UGT3A1: variants seen among roughly 807,000 people sequenced by gnomAD.
UGT3A1 encodes the protein UDP glycosyltransferase family 3 member A1.
In UGT3A1, 40 loss-of-function variants were observed where a neutral mutation model predicts 37.6. The observed-to-expected ratio is 1.06, with a 90% CI of 0.83 to 1.38. The LOEUF (loss-of-function observed/expected upper bound fraction) is 1.38, where lower values mean the gene tolerates loss of function less well. UGT3A1 is among the 40% of genes most tolerant of loss of function. The probability of loss-of-function intolerance (pLI) is 0.00; values close to 1 mark genes in which losing one functional copy is unlikely to be tolerated. For missense variants in UGT3A1, 642 were observed against 634.2 expected (o/e 1.01, Z -0.13); for synonymous variants, 256 against 232.3 (o/e 1.10, Z -0.93).
At chr5:35,975,759 T>C (rs1373891064) in intron 2 of UGT3A1, among the ~76,000 whole-genome samples, 2 of 152,190 alleles carry the variant, frequency 1.3e-5, no homozygotes, top group Non-Finnish European at 2.9e-5. Flanking sequence ...GTTTGTTGCA[T>C]ATGTATACAT....
chr5:35,994,492 T>A (rs1439664288), upstream of UGT3A1, among the ~76,000 whole-genome samples: 9 of 152,046 alleles, frequency 5.9e-5, no homozygotes, highest in Admixed American at 4.6e-4. Flanking sequence ...TTTTGTGGCA[T>A]TCTCAGGTGA....
intron 2 of UGT3A1, among the ~76,000 whole-genome samples, chr5:35,974,090 T>C (rs1201726477): frequency 1.3e-5 from 2 of 152,166 alleles, no homozygotes; most frequent in Non-Finnish European, 2.9e-5. Flanking sequence ...GGAGGCAAAG[T>C]ACCTTGGGAA....
chr5:35,959,013 T>C (rs1739466878), intron 4 of UGT3A1, among the ~76,000 whole-genome samples: 1 of 152,226 alleles, frequency 6.6e-6, no homozygotes, highest in Non-Finnish European at 1.5e-5. Context: ...CAAGAAGTTA[T>C]GGACAGAAGA....
chr5:35,992,115 C>A (rs1370853515), upstream of UGT3A1, among the ~76,000 whole-genome samples: 1 of 152,198 alleles, frequency 6.6e-6, no homozygotes, highest in Non-Finnish European at 1.5e-5. Context: ...CAGTGCAATT[C>A]TAGACAGACA....
chr5:35,988,600 GA>G (rs1561473258), intron 1 of UGT3A1, 49 bp from the exon 2 acceptor site: 1 of 1,448,852 alleles, frequency 6.9e-7, no homozygotes, highest in East Asian at 2.3e-5. Context: ...TAGAGTTTCT[GA>G]TGACAATATG....
chr5:35,953,302 T>C lies in UGT3A1; in HGVS notation c.*900A>G, dbSNP rs1469931095. The C allele has an allele frequency of 2.0e-5, 3 of 152,356 alleles. No individual in the cohort carries two copies. Among genetic ancestry groups the C allele is most frequent in the African/African-American group, 7.2e-5 (3 of 41,454 alleles). The allele number at this position is 152,356 out of a possible 1,614,324, so 9.4% of individuals were successfully genotyped here. On this transcript the variant is annotated 3_prime_UTR_variant, in exon 7 of 7. Coordinates refer to ENST00000274278, the MANE Select transcript of UGT3A1 (RefSeq NM_152404.4). ...CCACAACAGCCCTGAATGGGCTACC[T>C]TCGGGCTTTATCAAGAAAGATGAAA... is the stretch of plus-strand genomic sequence containing the variant.
intron 1 of UGT3A1, among the ~76,000 whole-genome samples, chr5:36,000,656 G>A (rs1213735038): frequency 6.6e-6 from 1 of 152,174 alleles, no homozygotes; most frequent in African/African-American, 2.4e-5. Flanking sequence ...GTTGTGGACT[G>A]TTTAACCCCA....
At position 35,963,538 on chromosome 5, in the gene UGT3A1, A is replaced by G. The variant is rs1276790439; in HGVS notation, c.843+1848T>C. 2.6e-5 allele frequency among the ~76,000 whole-genome samples: 4 copies of G among 152,212 alleles called. 1 individual carries two copies. The highest frequency in any genetic ancestry group is 2.6e-4 in the Admixed American group (4 of 15,286). ...AGGAACCCTCTCGATTAGAAAAGGA[A>G]AAAAATAAAAGAAAGAAAAACACAG... On this transcript the variant is annotated intron_variant, in intron 4 of 6. Transcript: ENST00000274278.
chr5:35,991,152 G>A lies in UGT3A1; in HGVS notation c.89C>T (p.Thr30Ile), dbSNP rs1226743513. 2 of 1,614,234 alleles carry A rather than the reference G, an allele frequency of 1.2e-6. No individual in the cohort carries two copies. The highest frequency in any genetic ancestry group is 2.2e-5 in the South Asian group (2 of 91,090). The change falls in exon 1 of 7, where the codon ACA (threonine) becomes ATA (isoleucine). Residue 30 changes from threonine to isoleucine, a missense_variant. Thr to Ile is a moderately conservative substitution (Grantham distance 89, BLOSUM62 -1). Transcript: ENST00000274278. ...TTCTCCGGCCAAGCACTCACCCAGT[G>A]TAGATATTGTCAGGATTTTGGCAGC... ...SEAAKILTIS[T>I]LGGSHYLLLD...
upstream of UGT3A1, among the ~76,000 whole-genome samples, chr5:35,994,463 C>T (rs558815639): frequency 2.2e-4 from 34 of 151,838 alleles, no homozygotes; most frequent in Non-Finnish European, 4.3e-4. Context: ...CAAATAGGAG[C>T]ACCTTGCTCC....
At chr5:35,967,234 G>T (rs748963675) in intron 3 of UGT3A1, among the ~76,000 whole-genome samples, 10 of 152,166 alleles carry the variant, frequency 6.6e-5, no homozygotes, top group Non-Finnish European at 1.5e-4. Context: ...CCAGACCTAT[G>T]GAGGAGAGAA....
chr5:35,976,471 T>C (rs1466818351), intron 2 of UGT3A1, among the ~76,000 whole-genome samples: 1 of 152,194 alleles, frequency 6.6e-6, no homozygotes, highest in Non-Finnish European at 1.5e-5. Context: ...ACAGCCACTT[T>C]AGGAAAAGTA....
Position 35,957,375 on chromosome 5 carries a change from G to A in UGT3A1, c.888C>T (p.Val296=). 1.2e-6 allele frequency: 2 copies of A among 1,614,164 alleles called. No individual in the cohort carries two copies. Among genetic ancestry groups the A allele is most frequent in the Non-Finnish European group, 1.7e-6 (2 of 1,180,024 alleles). The change falls in exon 5 of 7, where the codon GTC becomes GTT. Residue 296 remains valine, a synonymous_variant. Transcript: ENST00000274278. The part of the protein sequence containing the change: ...FIANFGDAGF[V]LVAFGSMLNT... Reference sequence around the variant, plus strand: ...TCAACATGGAGCCAAAGGCCACAAGGACAAACCCTGCATCCCCAAAGTTGG... The same window carrying A: ...TCAACATGGAGCCAAAGGCCACAAGAACAAACCCTGCATCCCCAAAGTTGG...
intron 2 of UGT3A1, among the ~76,000 whole-genome samples, chr5:35,978,209 A>G (rs1260744958): frequency 6.6e-6 from 1 of 151,796 alleles, no homozygotes; most frequent in Non-Finnish European, 1.5e-5. Context: ...TAATTTTTGT[A>G]TTTTTAGTAC....
chr5:35,979,030 C>T (rs933650834), intron 2 of UGT3A1, among the ~76,000 whole-genome samples: 1 of 152,192 alleles, frequency 6.6e-6, no homozygotes, highest in African/African-American at 2.4e-5. Context: ...CCGTGCCTCA[C>T]ATCTGGGTCA....
intron 2 of UGT3A1, chr5:35,997,203 C>A (rs1741117763): frequency 6.6e-6 from 1 of 152,212 alleles, no homozygotes; most frequent in South Asian, 2.1e-4. Context: ...ACCCAGCAGT[C>A]CCCAACCCAC....
At chr5:35,970,150 G>A (rs1187495270) in intron 2 of UGT3A1, among the ~76,000 whole-genome samples, 1 of 152,118 alleles carries the variant, frequency 6.6e-6, no homozygotes, top group East Asian at 1.9e-4. Flanking sequence ...CAGAACTTTG[G>A]GAGGCTGAGG....
At chr5:35,955,611 G>A in intron 6 of UGT3A1, 34 bp downstream of exon 6, 1 of 1,609,198 alleles carries the variant, frequency 6.2e-7, no homozygotes, top group African/African-American at 1.3e-5. Context: ...TCTTCATTCA[G>A]CCTTAGTGAC....
At chr5:35,974,568 T>G (rs1339714409) in intron 2 of UGT3A1, among the ~76,000 whole-genome samples, 2 of 152,218 alleles carry the variant, frequency 1.3e-5, no homozygotes, top group Admixed American at 1.3e-4. Flanking sequence ...TTTTGACCTG[T>G]GCAGAAAACA....
Sources: gnomAD v4.1 joint callset for allele counts (sites outside exome capture counted in the v4.1 genomes callset) on GRCh38, gnomAD v4.1.1 for gene constraint, MANE v1.5 for transcripts, NCBI Gene and HGNC (gene_info 2026-07-23, HGNC 2026-07-21) for gene names.